Variants in CCDC85C observed in about 807,000 individuals in gnomAD.
The protein encoded by CCDC85C is coiled-coil domain containing 85C, also known as coiled-coil domain-containing protein 85C.
Under a neutral mutation model 38.3 loss-of-function variants are expected in CCDC85C, and 18 were observed. The observed-to-expected ratio is 0.47, with a 90% CI of 0.33 to 0.70. The LOEUF (loss-of-function observed/expected upper bound fraction) is 0.70, where lower values mean the gene tolerates loss of function less well. CCDC85C is among the 30% of genes least tolerant of loss of function. The pLI, the probability that CCDC85C is intolerant of heterozygous loss-of-function variation, is 0.03. For missense variants in CCDC85C, 566 were observed against 621.2 expected (o/e 0.91, Z 0.94); for synonymous variants, 264 against 293.8 (o/e 0.90, Z 1.04).
intron 1 of CCDC85C, among the ~76,000 whole-genome samples, chr14:99,595,839 A>G (rs139347472): frequency 0.023 from 3,458 of 152,314 alleles, 54 homozygotes; most frequent in Non-Finnish European, 0.035. Flanking sequence ...AGGGACCCCA[A>G]TGGGGACCAG....
Position 99,512,379 on chromosome 14 carries a change from A to T in CCDC85C, c.*2867T>A, listed in dbSNP as rs1049131625. The T allele has an allele frequency of 3.9e-5, 6 of 152,110 alleles. No homozygotes were observed. The highest frequency in any genetic ancestry group is 1.4e-4 in the African/African-American group (6 of 41,398). 9.4% of individuals were successfully genotyped at this position (152,110 alleles called of 1,614,324 possible). On this transcript the variant is annotated 3_prime_UTR_variant, in exon 6 of 6. Transcript: ENST00000380243. ...CAGCACAAATACTTTGCCCCACAGT[A>T]TGAAAAATATACACCTCTACCGCTC...
intron 1 of CCDC85C, among the ~76,000 whole-genome samples, chr14:99,565,120 CA>C (rs879879242): frequency 4.8e-4 from 73 of 152,224 alleles, no homozygotes; most frequent in Non-Finnish European, 1.0e-3. Context: ...ACTGGTTTTC[CA>C]CCAAGAGCTG....
intron 1 of CCDC85C, among the ~76,000 whole-genome samples, chr14:99,577,678 A>AGTGTGT (rs56254947): frequency 3.5e-5 from 5 of 141,860 alleles, no homozygotes; most frequent in East Asian, 2.2e-4. Context: ...ATCCCCCATC[A>AGTGTGT]GTGTGTGTGT....
At chr14:99,589,023 C>A (rs2055056059) in intron 1 of CCDC85C, among the ~76,000 whole-genome samples, 1 of 151,206 alleles carries the variant, frequency 6.6e-6, no homozygotes, top group Non-Finnish European at 1.5e-5. Flanking sequence ...CAGATGTTTT[C>A]ATGAAAACAT....
At chr14:99,589,214 AAC>A (rs2055059322) in intron 1 of CCDC85C, among the ~76,000 whole-genome samples, 2 of 151,974 alleles carry the variant, frequency 1.3e-5, no homozygotes, top group South Asian at 4.2e-4. Flanking sequence ...GGCCGGGATC[AAC>A]AGAGTGAGCC....
intron 3 of CCDC85C, among the ~76,000 whole-genome samples, chr14:99,521,505 G>A (rs771336000): frequency 3.3e-5 from 5 of 152,166 alleles, no homozygotes; most frequent in East Asian, 1.9e-4. Context: ...TGCAGGTGCC[G>A]CAACGAGAAC....
At chr14:99,534,817 C>T in intron 2 of CCDC85C, 1 of 676,158 alleles carries the variant, frequency 1.5e-6, no homozygotes, top group Non-Finnish European at 2.7e-6. Context: ...GGCCAAAGCC[C>T]TTCACCATAG....
rs1258998499 is a variant in CCDC85C, at chr14:99,503,084, A to C, written c.*12162T>G. The C allele has an allele frequency of 1.5e-6, 2 of 1,339,856 alleles. No individual in the cohort carries two copies. The highest frequency in any genetic ancestry group is 2.3e-5 in the East Asian group (1 of 43,590). 83.0% of individuals were successfully genotyped at this position (1,339,856 alleles called of 1,614,324 possible). ...TCTAAGCGAGCACAGGGAACACCGG[A>C]AGCAGGGGGTGTTCGCCGAAACTCG... On this transcript the variant is annotated 3_prime_UTR_variant, in exon 6 of 6. Coordinates refer to ENST00000380243, the MANE Select transcript of CCDC85C (RefSeq NM_001144995.2).
At position 99,501,170 on chromosome 14, in the gene CCDC85C, C is replaced by T. The variant is rs760040800; in HGVS notation, c.*14076G>A. ...AGGTTTTCCATACATGGTGGTTCAG[C>T]GTAGGTCATGAGGAGGAAGAAGGGG... On this transcript the variant is annotated 3_prime_UTR_variant, in exon 6 of 6. Coordinates refer to ENST00000380243, the MANE Select transcript of CCDC85C (RefSeq NM_001144995.2). The T allele has an allele frequency of 2.6e-5, 16 of 612,738 alleles. No homozygotes were observed. The highest frequency in any genetic ancestry group is 9.3e-5 in the African/African-American group (5 of 53,974). 38.0% of individuals were successfully genotyped at this position (612,738 alleles called of 1,614,324 possible).
chr14:99,558,163 T>C lies in CCDC85C; in HGVS notation c.794-22075A>G, dbSNP rs1301507179. ...CCACGAGGTTTCCAGTGTGGACTGA[T>C]GGCAGAGAACTCAGCCGTGTGAAAG... is the stretch of plus-strand genomic sequence containing the variant. On this transcript the variant is annotated intron_variant, in intron 1 of 5. Transcript: ENST00000380243. This position sits in a 1 kb window ranked among gnomAD's most constrained non-coding sequence, Gnocchi z 4.2. 6.6e-6 allele frequency among the ~76,000 whole-genome samples: 1 copy of C among 152,220 alleles called. No individual in the cohort carries two copies. Among genetic ancestry groups the C allele is most frequent in the African/African-American group, 2.4e-5 (1 of 41,456 alleles).
At chr14:99,525,202 G>A (rs1376675837) in intron 2 of CCDC85C, among the ~76,000 whole-genome samples, 2 of 152,290 alleles carry the variant, frequency 1.3e-5, no homozygotes, top group East Asian at 1.9e-4. Context: ...AGGGCCCAGC[G>A]AGGACTCGCT....
At chr14:99,553,714 T>C (rs4905851) in intron 1 of CCDC85C, among the ~76,000 whole-genome samples, 3 of 152,036 alleles carry the variant, frequency 2.0e-5, no homozygotes, top group South Asian at 2.1e-4. Flanking sequence ...TCTGTAAAGG[T>C]AGGCTGTTCA....
chr14:99,597,171 C>A (rs4905862), intron 1 of CCDC85C, among the ~76,000 whole-genome samples: 1 of 151,896 alleles, frequency 6.6e-6, no homozygotes, highest in African/African-American at 2.4e-5. Flanking sequence ...CAGAGTGATG[C>A]TCCAGAACCA....
intron 1 of CCDC85C, among the ~76,000 whole-genome samples, chr14:99,555,597 A>G (rs1352792466): frequency 6.6e-6 from 1 of 152,242 alleles, no homozygotes. Context: ...AAAGGCATCC[A>G]TACATAGCTC....
chr14:99,547,227 C>T (rs1394472411), intron 1 of CCDC85C, among the ~76,000 whole-genome samples: 8 of 152,048 alleles, frequency 5.3e-5, no homozygotes, highest in Non-Finnish European at 1.0e-4. Flanking sequence ...ATAACAAAAA[C>T]TTCGGCTTTT....
rs1010832652 is a variant in CCDC85C, at chr14:99,533,449, C to T, written c.867+2566G>A. Among the ~76,000 whole-genome samples, 7 of 152,368 alleles carry T rather than the reference C, an allele frequency of 4.6e-5. No homozygotes were observed. The highest frequency in any genetic ancestry group is 1.9e-4 in the East Asian group (1 of 5,186). ...AAATTTCTGCTAAAGAAACAAAATA[C>T]TTTGAACCCTTTCTGCACTGGATGA... On this transcript the variant is annotated intron_variant, in intron 2 of 5. Transcript: ENST00000380243. This position sits in a 1 kb window ranked among gnomAD's most constrained non-coding sequence, Gnocchi z 4.2.
In CCDC85C at chr14:99,572,517, A is replaced by G. The variant is rs561271496; in HGVS notation, c.793+30650T>C. On this transcript the variant is annotated intron_variant, in intron 1 of 5. Coordinates refer to ENST00000380243, the MANE Select transcript of CCDC85C (RefSeq NM_001144995.2). This position sits in a 1 kb window ranked among gnomAD's most constrained non-coding sequence, Gnocchi z 4.4. ...AGGCTTTAGATAAAATCCCAACCCC[A>G]ATAGCTCCTCCTACCCTGCCCCCTT... is the stretch of plus-strand genomic sequence containing the variant. Among the ~76,000 whole-genome samples the G allele has an allele frequency of 3.4e-5, 5 of 149,132 alleles. No individual in the cohort carries two copies. Among genetic ancestry groups the G allele is most frequent in the African/African-American group, 7.5e-5 (3 of 40,154 alleles).
In CCDC85C at chr14:99,603,149, G is replaced by A. The variant is rs2055223092; in HGVS notation, c.793+18C>T. ...GCAGCCAGGGAGACCCGCGCTGCCC[G>A]GCCCGTGTAGTCCTTACCGTGCAGG... is the stretch of plus-strand genomic sequence containing the variant. On this transcript the variant is annotated intron_variant, in intron 1 of 5. Transcript: ENST00000380243. The surrounding 1 kb of genome is among the most constrained non-coding windows in gnomAD (Gnocchi z 7.5). The A allele has an allele frequency of 7.6e-7, 1 of 1,315,896 alleles. No individual in the cohort carries two copies. Among genetic ancestry groups the A allele is most frequent in the Non-Finnish European group, 9.7e-7 (1 of 1,032,874 alleles). The allele number at this position is 1,315,896 out of a possible 1,614,324, so 81.5% of individuals were successfully genotyped here.
rs1479441438 is a variant in CCDC85C at position 99,576,941 on chromosome 14, G to A, written c.793+26226C>T. Among the ~76,000 whole-genome samples the A allele has an allele frequency of 3.3e-5, 5 of 151,746 alleles. No homozygotes were observed. The highest frequency in any genetic ancestry group is 2.6e-4 in the Admixed American group (4 of 15,264). On this transcript the variant is annotated intron_variant, in intron 1 of 5. Transcript: ENST00000380243. The surrounding 1 kb of genome is among the most constrained non-coding windows in gnomAD (Gnocchi z 4.8). ...CACACCCACTGCTGAGCTCTCCCTC[G>A]CCCCCAGGCTGCCTGGGGGCACGGT...
Sources: gnomAD v4.1 joint callset for allele counts (sites outside exome capture counted in the v4.1 genomes callset) on GRCh38, gnomAD v4.1.1 for gene constraint, Gnocchi (gnomAD v3.1) non-coding constraint, MANE v1.5 for transcripts, NCBI Gene and HGNC (gene_info 2026-07-23, HGNC 2026-07-21) for gene names.